The following MACO1 variants were observed in gnomAD, a reference collection of about 807,000 sequenced individuals.
MACO1 encodes the protein macoilin 1, also known as macoilin.
Under a neutral mutation model 78.7 loss-of-function variants are expected in MACO1, and 14 were observed. The ratio of observed to expected loss-of-function variants is 0.18; its 90% CI spans 0.12 to 0.28. MACO1 has a LOEUF of 0.28. MACO1 is among the 10% of genes least tolerant of loss of function. MACO1 has a pLI of 1.00. For missense variants in MACO1, 501 were observed against 799.0 expected (o/e 0.63, Z 4.50); for synonymous variants, 288 against 291.6 (o/e 0.99, Z 0.12).
In MACO1 at chr1:25,454,930, G is replaced by C. The variant is rs555108362; in HGVS notation, c.473+548G>C. The stretch of plus-strand genomic sequence containing the variant: ...GAGCCCCCCCTTTTCAGGCAGATGA[G>C]TGAATCCCAGCTCTGTCCTCTGACA... On this transcript the variant is annotated intron_variant, in intron 4 of 10. Transcript: ENST00000374343. 1.4e-3 allele frequency among the ~76,000 whole-genome samples: 220 copies of C among 152,222 alleles called. 1 individual carries two copies. Among genetic ancestry groups the C allele is most frequent in the African/African-American group, 5.2e-3 (217 of 41,532 alleles).
At chr1:25,484,781 C>G (rs1161350462) in intron 7 of MACO1, among the ~76,000 whole-genome samples, 1 of 150,800 alleles carries the variant, frequency 6.6e-6, no homozygotes, top group African/African-American at 2.4e-5. Context: ...GTAGGTCTGT[C>G]CTTTTTTCTT....
intron 6 of MACO1, among the ~76,000 whole-genome samples, chr1:25,480,860 G>T (rs1320112785): frequency 6.8e-6 from 1 of 146,208 alleles, no homozygotes; most frequent in African/African-American, 2.6e-5. Flanking sequence ...GAACCCAGGA[G>T]GGGGAGATTG....
At chr1:25,455,512 A>C (rs990582218) in intron 4 of MACO1, among the ~76,000 whole-genome samples, 2 of 152,234 alleles carry the variant, frequency 1.3e-5, no homozygotes, top group African/African-American at 4.8e-5. Context: ...GTTTGTAGTG[A>C]GACCACATTT....
At chr1:25,440,543 C>T (rs981715491) in intron 1 of MACO1, among the ~76,000 whole-genome samples, 15 of 151,918 alleles carry the variant, frequency 9.9e-5, no homozygotes, top group Admixed American at 6.6e-4. Context: ...CCAAGGCAGG[C>T]GGATCACCTG....
Position 25,470,130 on chromosome 1 carries a change from G to A in MACO1, c.1154+11238G>A, listed in dbSNP as rs192593215. On this transcript the variant is annotated intron_variant, in intron 6 of 10. Transcript: ENST00000374343. The stretch of plus-strand genomic sequence containing the variant: ...TAATCAGTGGATTCAATATGATTTG[G>A]TGTGAATAACTATAAAACAGAGCAA... 2.6e-5 allele frequency among the ~76,000 whole-genome samples: 4 copies of A among 152,252 alleles called. No homozygotes were observed. In the East Asian group the frequency reaches 7.7e-4, roughly 29 times the overall value.
At position 25,489,192 on chromosome 1, in the gene MACO1, T is replaced by C; in HGVS notation, c.1516T>C (p.Leu506=). ...AASRGECTET[L]RNRIRELEAE... ...CAAAAGGGGAGAATGCACCGAAACC[T>C]TACGGAATCGGATCAGAGAACTAGA... Residue 506 remains leucine (L), a synonymous_variant, in exon 9 of 11, where the codon TTA becomes CTA. Coordinates refer to ENST00000374343, the MANE Select transcript of MACO1 (RefSeq NM_018202.6). 2 of 1,613,888 alleles carry C rather than the reference T, an allele frequency of 1.2e-6. No homozygotes were observed. Among genetic ancestry groups the C allele is most frequent in the Non-Finnish European group, 1.7e-6 (2 of 1,179,952 alleles).
At chr1:25,469,822 T>C (rs979151911) in intron 6 of MACO1, among the ~76,000 whole-genome samples, 1 of 151,948 alleles carries the variant, frequency 6.6e-6, no homozygotes, top group Non-Finnish European at 1.5e-5. Flanking sequence ...GAGACGGGGT[T>C]TCACCGTATT....
At chr1:25,451,942 A>G (rs2043070332) in intron 3 of MACO1, among the ~76,000 whole-genome samples, 1 of 151,938 alleles carries the variant, frequency 6.6e-6, no homozygotes, top group South Asian at 2.1e-4. Context: ...CAAAAAAAAA[A>G]GAAAAAAGAA....
chr1:25,474,534 G>A (rs2043302687), intron 6 of MACO1, among the ~76,000 whole-genome samples: 1 of 152,078 alleles, frequency 6.6e-6, no homozygotes, highest in African/African-American at 2.4e-5. Flanking sequence ...CATGTTGATG[G>A]TACCTCTCTA....
At chr1:25,431,289 G>C in intron 1 of MACO1, 111 bp downstream of exon 1, 1 of 797,442 alleles carries the variant, frequency 1.3e-6, no homozygotes, top group Non-Finnish European at 1.8e-6. Flanking sequence ...CCGCGCCGGG[G>C]GCTCTCCTAA....
At chr1:25,457,216 C>T (rs1303210186) in intron 5 of MACO1, among the ~76,000 whole-genome samples, 3 of 151,898 alleles carry the variant, frequency 2.0e-5, no homozygotes, top group African/African-American at 7.2e-5. Context: ...AGTAATCCTC[C>T]CTCCTCAGCC....
intron 6 of MACO1, among the ~76,000 whole-genome samples, chr1:25,476,499 A>G (rs2043322706): frequency 6.6e-6 from 1 of 152,192 alleles, no homozygotes; most frequent in Non-Finnish European, 1.5e-5. Context: ...AAGATGGGAT[A>G]TATCTACCAT....
intron 10 of MACO1, among the ~76,000 whole-genome samples, chr1:25,493,727 CT>C (rs1189775109): frequency 0.045 from 4,132 of 92,020 alleles, 21 homozygotes; most frequent in East Asian, 0.13. Context: ...TAGTTTGATT[CT>C]TTTTTTTTTT....
chr1:25,450,051 A>G (rs915994744), intron 3 of MACO1, among the ~76,000 whole-genome samples: 1 of 152,174 alleles, frequency 6.6e-6, no homozygotes, highest in African/African-American at 2.4e-5. Context: ...ACAAAATAAA[A>G]AAAATATTAA....
At chr1:25,454,495 T>TA (rs1260425747) in intron 4 of MACO1, 113 bp downstream of exon 4, 3 of 242,154 alleles carry the variant, frequency 1.2e-5, no homozygotes, top group Non-Finnish European at 2.0e-5. Flanking sequence ...TATATTTTTT[T>TA]TTTTTTTAGA....
At chr1:25,446,691 A>C in intron 1 of MACO1, 71 bp from the exon 2 acceptor site, 1 of 1,446,110 alleles carries the variant, frequency 6.9e-7, no homozygotes, top group South Asian at 1.4e-5. Context: ...TTTAAACAGA[A>C]ACAGTGAATT....
At chr1:25,489,532 T>C (rs2043465553) in intron 9 of MACO1, among the ~76,000 whole-genome samples, 1 of 152,186 alleles carries the variant, frequency 6.6e-6, no homozygotes, top group African/African-American at 2.4e-5. Context: ...TTGGTATGTT[T>C]TATACCAGGA....
chr1:25,439,285 A>G (rs982730456), intron 1 of MACO1, among the ~76,000 whole-genome samples: 4 of 152,166 alleles, frequency 2.6e-5, no homozygotes, highest in African/African-American at 4.8e-5. Flanking sequence ...CACCCTTGCT[A>G]CTTGGGAGGC....
intron 10 of MACO1, among the ~76,000 whole-genome samples, chr1:25,493,642 CA>C (rs931974519): frequency 3.5e-5 from 5 of 143,626 alleles, no homozygotes; most frequent in Admixed American, 7.0e-5. Context: ...TTTTCCAAAA[CA>C]AAAAAAAATT....
Sources: allele counts gnomAD v4.1 joint callset (sites outside exome capture counted in the v4.1 genomes callset), GRCh38; gene constraint gnomAD v4.1.1; transcripts MANE v1.5; gene names NCBI Gene and HGNC (gene_info 2026-07-23, HGNC 2026-07-21).